Variants in HCN1 observed in about 807,000 individuals in gnomAD.
The protein encoded by HCN1 is potassium/sodium hyperpolarization-activated cyclic nucleotide-gated channel 1.
Under a neutral mutation model 78.9 loss-of-function variants are expected in HCN1, and 13 were observed. The observed-to-expected ratio is 0.16, with a 90% CI of 0.11 to 0.26. The LOEUF is 0.26. Ranked by LOEUF, HCN1 falls within the 10% of genes least tolerant of loss-of-function variation. The pLI, the probability that HCN1 is intolerant of heterozygous loss-of-function variation, is 1.00. For synonymous variants in HCN1, 552 were observed against 455.5 expected, an observed-to-expected ratio of 1.21 and a Z score of -2.70; for missense variants, 810 against 1,154.3, an observed-to-expected ratio of 0.70 and a Z score of 4.32.
intron 4 of HCN1, among the ~76,000 whole-genome samples, chr5:45,355,564 G>A (rs1190407864): frequency 6.6e-6 from 1 of 151,962 alleles, no homozygotes; most frequent in Non-Finnish European, 1.5e-5. Context: ...AGTAAATTTA[G>A]TTTTCAGCAA....
intron 4 of HCN1, among the ~76,000 whole-genome samples, chr5:45,368,855 T>G (rs905992524): frequency 6.6e-6 from 1 of 152,058 alleles, no homozygotes; most frequent in Non-Finnish European, 1.5e-5. Flanking sequence ...TACAGTTTCA[T>G]TGAAGTATAA....
At chr5:45,564,040 C>T (rs909527099) in intron 2 of HCN1, among the ~76,000 whole-genome samples, 6 of 152,074 alleles carry the variant, frequency 3.9e-5, no homozygotes, top group Admixed American at 2.6e-4. Context: ...TAATTATTAC[C>T]ATCTACATCC....
chr5:45,358,118 T>G (rs758813233), intron 4 of HCN1, among the ~76,000 whole-genome samples: 5 of 152,088 alleles, frequency 3.3e-5, no homozygotes, highest in Non-Finnish European at 5.9e-5. Flanking sequence ...TCTTCTTTAT[T>G]AATTACCCGA....
chr5:45,500,226 C>T (rs1742161518), intron 2 of HCN1, among the ~76,000 whole-genome samples: 1 of 151,946 alleles, frequency 6.6e-6, no homozygotes, highest in African/African-American at 2.4e-5. Flanking sequence ...GACAGGTAGC[C>T]TATGTCCAGC....
intron 4 of HCN1, among the ~76,000 whole-genome samples, chr5:45,360,723 T>TA (rs1747092110): frequency 6.6e-6 from 1 of 152,040 alleles, no homozygotes; most frequent in Admixed American, 6.6e-5. Context: ...CATATAATCA[T>TA]AAAAATAACA....
intron 2 of HCN1, among the ~76,000 whole-genome samples, chr5:45,483,467 T>C (rs1741695784): frequency 6.6e-6 from 1 of 152,148 alleles, no homozygotes; most frequent in Non-Finnish European, 1.5e-5. Flanking sequence ...AAAATGGGGT[T>C]ATTTGATTTT....
chr5:45,565,630 C>A lies in HCN1; in HGVS notation c.849+79555G>T, dbSNP rs145549974. Among the ~76,000 whole-genome samples the A allele has an allele frequency of 3.0e-4, 45 of 152,002 alleles. No homozygotes were observed. The East Asian group carries it at 7.0e-3, about 24-fold the overall frequency. ...TTAAGCCCAGGAGTTTGAGACCAGC[C>A]TGGGCAACATAGAGAGACCTCACCT... On this transcript the variant is annotated intron_variant, in intron 2 of 7. Transcript: ENST00000303230.
At chr5:45,315,004 A>T (rs59254197) in intron 5 of HCN1, among the ~76,000 whole-genome samples, 3,545 of 152,220 alleles carry the variant, frequency 0.023, 154 homozygotes, top group African/African-American at 0.082. Context: ...AGACAGATCA[A>T]CGAGACAGAA....
intron 3 of HCN1, among the ~76,000 whole-genome samples, chr5:45,426,900 A>G (rs1740362245): frequency 6.6e-6 from 1 of 152,208 alleles, no homozygotes; most frequent in African/African-American, 2.4e-5. Flanking sequence ...CTGAATTTGT[A>G]ATAAAATTTA....
At chr5:45,370,797 C>CA (rs1490300674) in intron 4 of HCN1, among the ~76,000 whole-genome samples, 12 of 151,628 alleles carry the variant, frequency 7.9e-5, no homozygotes, top group Non-Finnish European at 1.3e-4. Flanking sequence ...ACACAAAATG[C>CA]AAAAAAATGT....
At chr5:45,363,132 TTATATATATATACATATA>T (rs1489924442) in intron 4 of HCN1, among the ~76,000 whole-genome samples, 6 of 116,064 alleles carry the variant, frequency 5.2e-5, no homozygotes, top group African/African-American at 1.8e-4. Context: ...ATATAACATA[TTATATATATATACATATA>T]TATATATATA....
chr5:45,519,345 G>A (rs1474310097), intron 2 of HCN1, among the ~76,000 whole-genome samples: 1 of 152,004 alleles, frequency 6.6e-6, no homozygotes, highest in African/African-American at 2.4e-5. Flanking sequence ...ACATTGATAA[G>A]TATAGGATAT....
At chr5:45,466,035 A>T (rs529925654) in intron 2 of HCN1, among the ~76,000 whole-genome samples, 10 of 152,322 alleles carry the variant, frequency 6.6e-5, no homozygotes, top group African/African-American at 2.4e-4. Flanking sequence ...TTAAGTCAGA[A>T]TCCCAAATTC....
chr5:45,310,973 T>C (rs1745840936), intron 5 of HCN1, among the ~76,000 whole-genome samples: 1 of 152,076 alleles, frequency 6.6e-6, no homozygotes, highest in Non-Finnish European at 1.5e-5. Flanking sequence ...TGAGAACACA[T>C]GGACATACAG....
chr5:45,414,329 T>C (rs913743648), intron 3 of HCN1, among the ~76,000 whole-genome samples: 2 of 152,054 alleles, frequency 1.3e-5, no homozygotes, highest in Admixed American at 1.3e-4. Context: ...CCTGGGTTAC[T>C]CTCAATTATT....
Position 45,653,300 on chromosome 5 carries a change from T to A in HCN1, c.426-7692A>T, listed in dbSNP as rs1245840507. 2.0e-5 allele frequency among the ~76,000 whole-genome samples: 3 copies of A among 152,220 alleles called. No individual in the cohort carries two copies. The East Asian group carries it at 5.8e-4, about 29-fold the overall frequency. On this transcript the variant is annotated intron_variant, in intron 1 of 7. Coordinates refer to ENST00000303230, the MANE Select transcript of HCN1 (RefSeq NM_021072.4). Reference sequence around the variant, plus strand: ...TGATCTCTATCCCAGTTGGAGTTGATCTCCTCTTGTCCCAAATGCCTATCG... The same window carrying A: ...TGATCTCTATCCCAGTTGGAGTTGAACTCCTCTTGTCCCAAATGCCTATCG...
intron 2 of HCN1, among the ~76,000 whole-genome samples, chr5:45,580,733 CT>C (rs1744049075): frequency 6.6e-6 from 1 of 152,048 alleles, no homozygotes; most frequent in South Asian, 2.1e-4. Context: ...GTTCCTCTTC[CT>C]GTGGCCATGT....
At chr5:45,321,708 T>C (rs1221738897) in intron 5 of HCN1, among the ~76,000 whole-genome samples, 1 of 151,756 alleles carries the variant, frequency 6.6e-6, no homozygotes, top group Non-Finnish European at 1.5e-5. Flanking sequence ...CATACGTATT[T>C]TTATGGCAGA....
intron 6 of HCN1, among the ~76,000 whole-genome samples, chr5:45,268,271 G>C (rs1744898601): frequency 6.6e-6 from 1 of 152,156 alleles, no homozygotes; most frequent in South Asian, 2.1e-4. Context: ...TTATTGGCCA[G>C]CTGAAGCTAT....
Sources: gnomAD v4.1 joint callset for allele counts (sites outside exome capture counted in the v4.1 genomes callset) on GRCh38, gnomAD v4.1.1 for gene constraint, MANE v1.5 for transcripts, NCBI Gene and HGNC (gene_info 2026-07-23, HGNC 2026-07-21) for gene names.